DNAH6: variants seen among roughly 807,000 people sequenced by gnomAD.
DNAH6 encodes the protein dynein axonemal heavy chain 6.
A neutral mutation model predicts 491.4 loss-of-function variants in DNAH6; 340 were observed. That is an observed-to-expected ratio of 0.69 (90% CI 0.63 to 0.76). DNAH6 has a LOEUF of 0.76. Ranked by LOEUF, DNAH6 falls within the 30% of genes least tolerant of loss-of-function variation. The pLI is 0.00. For missense variants in DNAH6, 4,443 were observed against 4,972.2 expected (o/e 0.89, Z 3.20); for synonymous variants, 1,603 against 1,686.1 (o/e 0.95, Z 1.21).
chr2:84,649,503 G>A (rs1690215634), intron 33 of DNAH6, among the ~76,000 whole-genome samples: 1 of 152,010 alleles, frequency 6.6e-6, no homozygotes, highest in Non-Finnish European at 1.5e-5. Context: ...CTTTATCTGA[G>A]AATGTCTTGA....
intron 70 of DNAH6, 49 bp downstream of exon 70, chr2:84,797,707 C>G (rs1678486470): frequency 7.0e-7 from 1 of 1,418,554 alleles, no homozygotes; most frequent in Admixed American, 2.0e-5. Flanking sequence ...TGTATGTAAA[C>G]TCAAAACATC....
chr2:84,506,857 G>A, the DNAH6 span, among the ~76,000 whole-genome samples: 1 of 152,000 alleles, frequency 6.6e-6, no homozygotes, highest in African/African-American at 2.4e-5. Flanking sequence ...TCTCAGGTTT[G>A]TCAAAGATCA....
At position 84,699,754 on chromosome 2, in the gene DNAH6, A is replaced by G; in HGVS notation, c.7818+20A>G. On this transcript the variant is annotated intron_variant, in intron 48 of 76. Transcript: ENST00000389394. ...GTGCAGGTTGGTGACATCCCAGGATATCTCTTTGAGAAGTTGGACTTGCTT... is the reference window on the plus strand; with the variant it reads ...GTGCAGGTTGGTGACATCCCAGGATGTCTCTTTGAGAAGTTGGACTTGCTT... 1 of 1,547,954 alleles carries G rather than the reference A, an allele frequency of 6.5e-7. No homozygotes were observed. The highest frequency in any genetic ancestry group is 8.7e-7 in the Non-Finnish European group (1 of 1,145,030).
chr2:84,813,061 T>C lies in DNAH6; in HGVS notation c.11929T>C (p.Trp3977Arg), dbSNP rs1458856860. The change falls in exon 74 of 77, where the codon TGG becomes CGG. Residue 3977 changes from tryptophan (W) to arginine (R), a missense_variant. Physicochemically the swap from Trp to Arg is moderately radical, Grantham distance 101. Transcript: ENST00000389394. ...LILRTSFVDL[W>R]LKRGQPKSYW... Reference sequence around the variant, plus strand: ...TATGAATATGTTTCTCCTTCAGCTGTGGCTCAAAAGAGGACAGCCTAAGTC... The same window carrying C: ...TATGAATATGTTTCTCCTTCAGCTGCGGCTCAAAAGAGGACAGCCTAAGTC... The C allele has an allele frequency of 1.0e-5, 16 of 1,550,644 alleles. No individual in the cohort carries two copies. The highest frequency in any genetic ancestry group is 1.4e-5 in the Non-Finnish European group (16 of 1,146,070).
the DNAH6 span, among the ~76,000 whole-genome samples, chr2:84,478,619 C>G: frequency 6.6e-6 from 1 of 152,082 alleles, no homozygotes; most frequent in Non-Finnish European, 1.5e-5. Flanking sequence ...GATTTGGCCC[C>G]CTGAAAAGCC....
intron 37 of DNAH6, among the ~76,000 whole-genome samples, chr2:84,660,179 G>T (rs1691365208): frequency 6.6e-6 from 1 of 152,012 alleles, no homozygotes; most frequent in Non-Finnish European, 1.5e-5. Context: ...TTGATTTCAA[G>T]ACTGGATCAG....
intron 14 of DNAH6, among the ~76,000 whole-genome samples, chr2:84,580,111 A>G (rs1462308949): frequency 6.6e-6 from 1 of 152,202 alleles, no homozygotes; most frequent in African/African-American, 2.4e-5. Flanking sequence ...GTAAATGGTA[A>G]TACCATTGTA....
chr2:84,535,656 T>C (rs1199382253), intron 4 of DNAH6, among the ~76,000 whole-genome samples: 3 of 151,302 alleles, frequency 2.0e-5, no homozygotes, highest in Non-Finnish European at 2.9e-5. Context: ...GTGTGGAAGT[T>C]TTTTATACTA....
intron 64 of DNAH6, among the ~76,000 whole-genome samples, chr2:84,765,098 CAAG>C (rs997653481): frequency 1.3e-5 from 2 of 151,810 alleles, no homozygotes; most frequent in Admixed American, 6.5e-5. Flanking sequence ...CTTAAATATT[CAAG>C]AAGTAGAATA....
At chr2:84,675,262 C>T (rs1693123109) in intron 40 of DNAH6, among the ~76,000 whole-genome samples, 1 of 152,054 alleles carries the variant, frequency 6.6e-6, no homozygotes, top group Non-Finnish European at 1.5e-5. Context: ...CTCCTGACCT[C>T]CATCTCCCTC....
At chr2:84,571,700 T>A (rs1312204993) in intron 11 of DNAH6, among the ~76,000 whole-genome samples, 28 of 149,590 alleles carry the variant, frequency 1.9e-4, no homozygotes, top group Non-Finnish European at 4.0e-4. Context: ...GATCACAAGG[T>A]CAGGAGTTCA....
In DNAH6 at chr2:84,549,922, C is replaced by T. The variant is rs1321151524; in HGVS notation, c.1350C>T (p.Asn450=). The T allele has an allele frequency of 1.2e-6, 2 of 1,612,560 alleles. No individual in the cohort carries two copies. The highest frequency in any genetic ancestry group is 1.7e-5 in the Admixed American group (1 of 59,818). The stretch of plus-strand genomic sequence containing the variant: ...GTCTAAACGACTATCTAATTGAGAA[C>T]ACAATGCACATCTTAACGGTAAATG... ...FIRLNDYLIE[N]TMHILTVNAV... Residue 450 remains asparagine (N), a synonymous_variant, in exon 9 of 77, where the codon AAC becomes AAT. Transcript: ENST00000389394.
At position 84,781,530 on chromosome 2, in the gene DNAH6, A is replaced by G. The variant is rs1307021408; in HGVS notation, c.10741A>G (p.Ile3581Val). 3 of 1,551,574 alleles carry G rather than the reference A, an allele frequency of 1.9e-6. No homozygotes were observed. The highest frequency in any genetic ancestry group is 2.6e-6 in the Non-Finnish European group (3 of 1,146,870). The stretch of plus-strand genomic sequence containing the variant: ...TTCACTGGGGCAAGGACAAGGACCT[A>G]TTGCTGAAAAAATGGTCAAGGATGC... ...SISLGQGQGP[I>V]AEKMVKDAMK... The change falls in exon 65 of 77, where the codon ATT becomes GTT. Residue 3581 changes from isoleucine to valine, a missense_variant. Physicochemically the swap from Ile to Val is conservative, Grantham distance 29. This residue lies in a region of DNAH6 where 1,463 missense variants were observed against 1,656.6 expected (regional missense o/e 0.88). Coordinates refer to ENST00000389394, the MANE Select transcript of DNAH6 (RefSeq NM_001370.2).
chr2:84,506,055 A>G, the DNAH6 span, among the ~76,000 whole-genome samples: 1 of 152,186 alleles, frequency 6.6e-6, no homozygotes, highest in Non-Finnish European at 1.5e-5. Context: ...ATGATTTATA[A>G]TCCTTTGGGT....
chr2:84,490,293 C>A, the DNAH6 span, among the ~76,000 whole-genome samples: 4 of 151,386 alleles, frequency 2.6e-5, no homozygotes, highest in African/African-American at 9.7e-5. Context: ...TTCTCTTTTT[C>A]TTTTCTTTTC....
chr2:84,794,841 G>T (rs1327867726), intron 68 of DNAH6, among the ~76,000 whole-genome samples: 1 of 145,932 alleles, frequency 6.9e-6, no homozygotes, highest in Non-Finnish European at 1.5e-5. Flanking sequence ...TATACCCAAA[G>T]GACTATAAAT....
intron 11 of DNAH6, among the ~76,000 whole-genome samples, chr2:84,563,616 G>A (rs562854714): frequency 4.6e-5 from 7 of 152,084 alleles, no homozygotes; most frequent in East Asian, 3.9e-4. Flanking sequence ...TGTCAAATGC[G>A]GTTTGTGAAT....
At chr2:84,719,660 G>A (rs893611399) in intron 59 of DNAH6, among the ~76,000 whole-genome samples, 2 of 151,478 alleles carry the variant, frequency 1.3e-5, no homozygotes, top group Admixed American at 6.6e-5. Flanking sequence ...ACAAATGCAC[G>A]CCACTACGCC....
chr2:84,739,836 T>C (rs1471095300), intron 62 of DNAH6, among the ~76,000 whole-genome samples: 1 of 152,208 alleles, frequency 6.6e-6, no homozygotes, highest in Admixed American at 6.5e-5. Context: ...CTGGATCTCA[T>C]TGAGTTTCTT....
Sources: allele counts gnomAD v4.1 joint callset (sites outside exome capture counted in the v4.1 genomes callset), GRCh38; gene constraint gnomAD v4.1.1; regional missense constraint gnomAD v4.1.1; transcripts MANE v1.5; gene names NCBI Gene and HGNC (gene_info 2026-07-23, HGNC 2026-07-21).